PLAA: variants seen among roughly 807,000 people sequenced by gnomAD.
The protein encoded by PLAA is phospholipase A2 activating protein.
In PLAA, 48 loss-of-function variants were observed where a neutral mutation model predicts 84.1. That is an observed-to-expected ratio of 0.57 (90% confidence interval 0.45 to 0.73). PLAA has a LOEUF of 0.73. PLAA is among the 30% of genes least tolerant of loss of function. PLAA has a pLI of 0.00. For synonymous variants in PLAA, 392 were observed against 336.6 expected (o/e 1.16, Z -1.80); for missense variants, 903 against 954.7 (o/e 0.95, Z 0.71).
intron 1 of PLAA, among the ~76,000 whole-genome samples, chr9:26,943,691 A>C (rs925076040): frequency 1.3e-5 from 2 of 152,262 alleles, no homozygotes; most frequent in Admixed American, 1.3e-4. Context: ...TCACACCTTT[A>C]ATCCCAACAC....
intron 10 of PLAA, chr9:26,916,759 T>C (rs1269491328): frequency 3.5e-6 from 3 of 847,856 alleles, no homozygotes; most frequent in African/African-American, 3.7e-5. Flanking sequence ...ACTTGCCAAC[T>C]TCTCATAGCA....
chr9:26,946,186 T>G (rs780011098), intron 1 of PLAA, among the ~76,000 whole-genome samples: 1 of 152,200 alleles, frequency 6.6e-6, no homozygotes, highest in Non-Finnish European at 1.5e-5. Context: ...ATCTGTCTTC[T>G]AGGTCTTAAA....
intron 2 of PLAA, among the ~76,000 whole-genome samples, chr9:26,932,492 T>C (rs1361138990): frequency 6.6e-6 from 1 of 152,252 alleles, no homozygotes; most frequent in East Asian, 1.9e-4. Flanking sequence ...TTCATTTATT[T>C]ACTGTCTATA....
At chr9:26,943,057 TG>T (rs1475497220) in intron 1 of PLAA, among the ~76,000 whole-genome samples, 3 of 152,114 alleles carry the variant, frequency 2.0e-5, no homozygotes, top group Non-Finnish European at 4.4e-5. Flanking sequence ...TCTTCAAGCA[TG>T]GGTCGTTTTT....
At chr9:26,926,047 G>T in intron 5 of PLAA, 87 bp from the exon 6 acceptor site, 2 of 1,025,492 alleles carry the variant, frequency 2.0e-6, no homozygotes, top group Non-Finnish European at 2.9e-6. Context: ...CTGACTTTTT[G>T]AAACCCAGAG....
chr9:26,931,995 G>T (rs1257610119), intron 2 of PLAA, among the ~76,000 whole-genome samples: 1 of 152,228 alleles, frequency 6.6e-6, no homozygotes, highest in East Asian at 1.9e-4. Context: ...GCAGAGGCAG[G>T]AGAATCACTT....
At chr9:26,942,877 CAAAAAAAA>C (rs34134451) in intron 1 of PLAA, among the ~76,000 whole-genome samples, 1 of 51,360 alleles carries the variant, frequency 1.9e-5, no homozygotes, top group African/African-American at 7.2e-5. Context: ...AGACTCGTCT[CAAAAAAAA>C]AAAAAAAAAA....
chr9:26,912,484 A>T (rs1824429083), intron 11 of PLAA, among the ~76,000 whole-genome samples: 1 of 152,238 alleles, frequency 6.6e-6, no homozygotes, highest in Non-Finnish European at 1.5e-5. Context: ...AATATGGATC[A>T]TCGAGAGACC....
At chr9:26,924,312 T>G (rs78756512) in intron 6 of PLAA, among the ~76,000 whole-genome samples, 1 of 151,990 alleles carries the variant, frequency 6.6e-6, no homozygotes, top group Non-Finnish European at 1.5e-5. Flanking sequence ...ATATTTTTTT[T>G]GTATGGAGAC....
rs1824220170 is a variant in PLAA at position 26,905,899 on chromosome 9, A to G, written c.2000T>C (p.Phe667Ser). Residue 667 changes from phenylalanine to serine, a missense_variant, in exon 14 of 14, where the codon TTT becomes TCT. Transcript: ENST00000397292. ...GAGTTTTTGTCCTGCCTGGCCAACA[A>G]AACAATTGCAAAAAGTCCTGAGAGC... Reference protein sequence around the residue: ...LLALRTFCNCFVGQAGQKLMM... With the variant: ...LLALRTFCNCSVGQAGQKLMM... 1 of 1,614,158 alleles carries G rather than the reference A, an allele frequency of 6.2e-7. No homozygotes were observed. Among genetic ancestry groups the G allele is most frequent in the Non-Finnish European group, 8.5e-7 (1 of 1,180,028 alleles).
chr9:26,939,654 G>C (rs1825469713), intron 1 of PLAA, among the ~76,000 whole-genome samples: 1 of 151,930 alleles, frequency 6.6e-6, no homozygotes, highest in African/African-American at 2.4e-5. Flanking sequence ...CTGTTTATGA[G>C]ACTCACTTTA....
At chr9:26,939,984 A>G (rs1825480496) in intron 1 of PLAA, among the ~76,000 whole-genome samples, 1 of 152,218 alleles carries the variant, frequency 6.6e-6, no homozygotes, top group Non-Finnish European at 1.5e-5. Flanking sequence ...GAATAATCAG[A>G]CAGAAAACAT....
At position 26,919,428 on chromosome 9, in the gene PLAA, G is replaced by A. The variant is rs767560541; in HGVS notation, c.1299C>T (p.Phe433=). 1 of 1,611,882 alleles carries A rather than the reference G, an allele frequency of 6.2e-7. No individual in the cohort carries two copies. Among genetic ancestry groups the A allele is most frequent in the South Asian group, 1.1e-5 (1 of 91,010 alleles). The change falls in exon 9 of 14, where the codon TTC becomes TTT. Residue 433 remains phenylalanine, a synonymous_variant. Transcript: ENST00000397292. The part of the protein sequence containing the change: ...SDDPWLTAYN[F]LQKNDLNPMF... ...TAGGATTCAAATCATTCTTCTGTAA[G>A]AAGTTGTATGCAGTTAACCAAGGGT...
At chr9:26,906,198 A>G (rs1028351911) in intron 13 of PLAA, 122 bp from the exon 14 acceptor site, 1 of 579,722 alleles carries the variant, frequency 1.7e-6, no homozygotes, top group African/African-American at 1.9e-5. Context: ...GTGAAAAATC[A>G]TGTGTCTGCT....
intron 13 of PLAA, 29 bp downstream of exon 13, chr9:26,907,805 G>C (rs747802712): frequency 1.3e-6 from 2 of 1,563,186 alleles, no homozygotes; most frequent in South Asian, 2.4e-5. Context: ...CTTGCTTTCT[G>C]GTTACATTTT....
intron 12 of PLAA, among the ~76,000 whole-genome samples, chr9:26,908,955 T>G (rs995946810): frequency 1.8e-4 from 27 of 152,226 alleles, no homozygotes; most frequent in Non-Finnish European, 4.0e-4. Context: ...AATTTATGAC[T>G]TAGTTCCATA....
Position 26,926,556 on chromosome 9 carries a change from A to G in PLAA, c.570T>C (p.His190=). 1 of 1,609,282 alleles carries G rather than the reference A, an allele frequency of 6.2e-7. No homozygotes were observed. Among genetic ancestry groups the G allele is most frequent in the Non-Finnish European group, 8.5e-7 (1 of 1,177,248 alleles). The change falls in exon 5 of 14, where the codon CAT becomes CAC. Residue 190 remains histidine, a synonymous_variant. Transcript: ENST00000397292. ...TTGCCAAACCTCTTACACAGTCTTCATGCCCTGCATTAAAAAACAATAATG... is the reference window on the plus strand; with the variant it reads ...TTGCCAAACCTCTTACACAGTCTTCGTGCCCTGCATTAAAAAACAATAATG... ...AGRCERTFSG[H]EDCVRGLAIL... is the part of the protein sequence containing the mutation.
chr9:26,906,020 T>C lies in PLAA; in HGVS notation c.1879A>G (p.Asn627Asp). ...TCCTTTTCATTGCAGAAGTTCTCAT[T>C]CACACTGGGGTGTTTAATTGACAAC... is the stretch of plus-strand genomic sequence containing the variant. ...LRLSIKHPSV[N>D]ENFCNEKEGA... is the part of the protein sequence containing the mutation. The change falls in exon 14 of 14, where the codon AAT becomes GAT. Residue 627 changes from asparagine (N) to aspartate (D), a missense_variant. By Grantham distance (23) the Asn-to-Asp change is conservative. Transcript: ENST00000397292. 6.2e-7 allele frequency: 1 copy of C among 1,612,706 alleles called. No individual in the cohort carries two copies. The highest frequency in any genetic ancestry group is 1.3e-5 in the African/African-American group (1 of 74,978).
chr9:26,932,553 T>C (rs763241983), intron 2 of PLAA, among the ~76,000 whole-genome samples: 6 of 152,220 alleles, frequency 3.9e-5, no homozygotes, highest in Non-Finnish European at 8.8e-5. Flanking sequence ...AGCAACCATA[T>C]GGCCTGAAAA....
Sources: allele counts gnomAD v4.1 joint callset (sites outside exome capture counted in the v4.1 genomes callset), GRCh38; gene constraint gnomAD v4.1.1; transcripts MANE v1.5; gene names NCBI Gene and HGNC (gene_info 2026-07-23, HGNC 2026-07-21).